PLCL1: variants seen among roughly 807,000 people sequenced by gnomAD.
PLCL1 encodes inactive phospholipase C-like protein 1.
Under a neutral mutation model 84.4 loss-of-function variants are expected in PLCL1, and 41 were observed. The ratio of observed to expected loss-of-function variants is 0.49; its 90% CI spans 0.38 to 0.63. PLCL1 has a LOEUF of 0.63. Ranked by LOEUF, PLCL1 falls within the 30% of genes least tolerant of loss-of-function variation. PLCL1 has a pLI of 0.00. For synonymous variants in PLCL1, 490 were observed against 488.3 expected (o/e 1.00, Z -0.05); for missense variants, 1,206 against 1,367.8 (o/e 0.88, Z 1.87).
chr2:198,003,368 T>C (rs1690651165), intron 1 of PLCL1, among the ~76,000 whole-genome samples: 1 of 152,160 alleles, frequency 6.6e-6, no homozygotes, highest in East Asian at 1.9e-4. Flanking sequence ...ATCTAAACAG[T>C]TCTGCACTTA....
rs1270265881 is a variant in PLCL1 at position 198,095,031 on chromosome 2, G to A, written c.2919+5970G>A. ...GCAAGTAGAAAAGGCTCTAAAAGTC[G>A]AAGGTAGAATGGATGCCTCTTTCGC... On this transcript the variant is annotated intron_variant, in intron 3 of 5. Transcript: ENST00000428675. Among the ~76,000 whole-genome samples, 6 of 152,260 alleles carry A rather than the reference G, an allele frequency of 3.9e-5. No homozygotes were observed. In the South Asian group the frequency reaches 6.2e-4, roughly 16 times the overall value.
intron 1 of PLCL1, among the ~76,000 whole-genome samples, chr2:197,932,854 T>C (rs924092825): frequency 6.6e-6 from 1 of 152,142 alleles, no homozygotes; most frequent in African/African-American, 2.4e-5. Context: ...TGTTAGGTAC[T>C]TCACTGTGAG....
chr2:198,020,765 A>T (rs539001076), intron 1 of PLCL1, among the ~76,000 whole-genome samples: 49 of 152,308 alleles, frequency 3.2e-4, no homozygotes, highest in Middle Eastern at 3.4e-3. Context: ...TTAGAGGCCT[A>T]CAAAGAGACT....
At chr2:198,073,237 T>G (rs891685612) in intron 1 of PLCL1, among the ~76,000 whole-genome samples, 11 of 152,194 alleles carry the variant, frequency 7.2e-5, no homozygotes, top group South Asian at 2.1e-4. Flanking sequence ...TTTTTCTAAG[T>G]TGAGAGAATG....
At chr2:197,833,164 G>C (rs1691107570) in intron 1 of PLCL1, among the ~76,000 whole-genome samples, 1 of 152,154 alleles carries the variant, frequency 6.6e-6, no homozygotes, top group African/African-American at 2.4e-5. Flanking sequence ...CAATAAGGTA[G>C]GTATTGATGG....
Position 197,875,405 on chromosome 2 carries a change from G to A in PLCL1, c.240+70066G>A, listed in dbSNP as rs150039993. Among the ~76,000 whole-genome samples the A allele has an allele frequency of 4.3e-3, 657 of 152,248 alleles. 3 individuals carry two copies. Among genetic ancestry groups the A allele is most frequent in the Middle Eastern group, 6.8e-3 (2 of 294 alleles). On this transcript the variant is annotated intron_variant, in intron 1 of 5. Transcript: ENST00000428675. ...CAGTTAGGAATTTAGGACATTTGTT[G>A]CTTTTGAAAGGAGGAAGAGGGTAGT...
At chr2:198,135,600 G>A (rs997497785) in intron 5 of PLCL1, among the ~76,000 whole-genome samples, 1 of 152,052 alleles carries the variant, frequency 6.6e-6, no homozygotes, top group Non-Finnish European at 1.5e-5. Context: ...TTTAGCTTGG[G>A]GTTTTCTATT....
intron 1 of PLCL1, among the ~76,000 whole-genome samples, chr2:198,012,201 G>C (rs1341869867): frequency 6.6e-6 from 1 of 152,096 alleles, no homozygotes; most frequent in Non-Finnish European, 1.5e-5. Context: ...TGCAGGTGAA[G>C]AACTTTGAAA....
At chr2:197,821,115 C>T (rs1690807030) in intron 1 of PLCL1, among the ~76,000 whole-genome samples, 1 of 152,056 alleles carries the variant, frequency 6.6e-6, no homozygotes, top group South Asian at 2.1e-4. Flanking sequence ...TCTTTTTTCC[C>T]CCTATCATTT....
At chr2:197,887,506 A>G (rs1457034473) in intron 1 of PLCL1, among the ~76,000 whole-genome samples, 5 of 152,180 alleles carry the variant, frequency 3.3e-5, no homozygotes, top group African/African-American at 1.2e-4. Context: ...CTTTTAACAC[A>G]TGCACTCCCC....
At chr2:198,086,578 A>G (rs1490057955) in intron 2 of PLCL1, among the ~76,000 whole-genome samples, 1 of 152,178 alleles carries the variant, frequency 6.6e-6, no homozygotes, top group Non-Finnish European at 1.5e-5. Context: ...CTGTGATTGT[A>G]CCAGTGCACT....
intron 1 of PLCL1, among the ~76,000 whole-genome samples, chr2:197,945,372 T>C (rs904603904): frequency 1.3e-5 from 2 of 152,200 alleles, no homozygotes; most frequent in Admixed American, 1.3e-4. Flanking sequence ...GTATGCTTTT[T>C]AGGGGAGGTA....
At chr2:197,903,467 A>ATTTTT (rs1559040542) in intron 1 of PLCL1, among the ~76,000 whole-genome samples, 3 of 80,650 alleles carry the variant, frequency 3.7e-5, no homozygotes, top group African/African-American at 1.0e-4. Flanking sequence ...ACTCCATTTA[A>ATTTTT]ATTTTTTTTT....
intron 1 of PLCL1, among the ~76,000 whole-genome samples, chr2:198,007,592 A>G (rs1690758712): frequency 6.6e-6 from 1 of 152,178 alleles, no homozygotes; most frequent in South Asian, 2.1e-4. Flanking sequence ...AAATATCACT[A>G]TTTCTCAAAG....
At chr2:197,885,445 T>C (rs1389208354) in intron 1 of PLCL1, among the ~76,000 whole-genome samples, 2 of 152,178 alleles carry the variant, frequency 1.3e-5, no homozygotes, top group East Asian at 3.9e-4. Flanking sequence ...TTCCTCTTTC[T>C]TCCATGTTTT....
intron 1 of PLCL1, among the ~76,000 whole-genome samples, chr2:198,007,294 G>A (rs2105826249): frequency 6.6e-6 from 1 of 152,086 alleles, no homozygotes; most frequent in Non-Finnish European, 1.5e-5. Flanking sequence ...CTAGAAATTG[G>A]CAACTAAAAA....
chr2:197,950,628 A>T (rs1430821615), intron 1 of PLCL1, among the ~76,000 whole-genome samples: 2 of 152,150 alleles, frequency 1.3e-5, no homozygotes, highest in African/African-American at 2.4e-5. Flanking sequence ...TACATGACGA[A>T]AACGTCACAG....
At chr2:197,907,028 G>C (rs777492215) in intron 1 of PLCL1, among the ~76,000 whole-genome samples, 20 of 151,948 alleles carry the variant, frequency 1.3e-4, no homozygotes, top group Admixed American at 2.0e-4. Context: ...GAGAGACATG[G>C]AACATGTCTC....
rs891015252 is a variant in PLCL1, at chr2:197,966,922, C to A, written c.241-116836C>A. Among the ~76,000 whole-genome samples, 57 of 148,380 alleles carry A rather than the reference C, an allele frequency of 3.8e-4. 1 individual carries two copies. The highest frequency in any genetic ancestry group is 1.4e-3 in the African/African-American group (57 of 39,826). ...CTGGAGTGCAGTGGCACAATCTTGG[C>A]TCACTGCAAGCTCCGCCTCCTGGGT... On this transcript the variant is annotated intron_variant, in intron 1 of 5. Transcript: ENST00000428675.
Sources: allele counts gnomAD v4.1 joint callset (sites outside exome capture counted in the v4.1 genomes callset), GRCh38; gene constraint gnomAD v4.1.1; transcripts MANE v1.5; gene names NCBI Gene and HGNC (gene_info 2026-07-23, HGNC 2026-07-21).